HERC2: variants seen among roughly 807,000 people sequenced by gnomAD.
HERC2 encodes the protein E3 ubiquitin-protein ligase HERC2.
A neutral mutation model predicts 537.7 loss-of-function variants in HERC2; 102 were observed. The observed-to-expected ratio is 0.19, with a 90% CI of 0.16 to 0.22. The LOEUF (loss-of-function observed/expected upper bound fraction) is 0.22, where lower values mean the gene tolerates loss of function less well. Ranked by LOEUF, HERC2 falls within the 10% of genes least tolerant of loss-of-function variation. The probability of loss-of-function intolerance (pLI) is 1.00; values close to 1 mark genes in which losing one functional copy is unlikely to be tolerated. For synonymous variants in HERC2, 2,224 were observed against 2,466.2 expected, an observed-to-expected ratio of 0.90 and a Z score of 2.91; for missense variants, 4,236 against 6,198.2, an observed-to-expected ratio of 0.68 and a Z score of 10.63.
In HERC2 at chr15:28,114,645, C is replaced by T; in HGVS notation, c.13880G>A (p.Arg4627His). ...TATCGCCAGCCGCACGTACTCCGCGCGGTTGTCCAGGGTGATGTGTGTGTG... is the reference window on the plus strand; with the variant it reads ...TATCGCCAGCCGCACGTACTCCGCGTGGTTGTCCAGGGTGATGTGTGTGTG... ...SKHTHITLDN[R>H]AEYVRLAINY... The change falls in exon 90 of 93, where the codon CGC becomes CAC. Residue 4627 changes from arginine (R) to histidine (H), a missense_variant. Coordinates refer to ENST00000261609, the MANE Select transcript of HERC2 (RefSeq NM_004667.6). 9 of 1,614,018 alleles carry T rather than the reference C, an allele frequency of 5.6e-6. No individual in the cohort carries two copies. Among genetic ancestry groups the T allele is most frequent in the South Asian group, 2.2e-5 (2 of 91,066 alleles).
At chr15:28,173,648 CA>C (rs1302599316) in intron 65 of HERC2, among the ~76,000 whole-genome samples, 1 of 151,744 alleles carries the variant, frequency 6.6e-6, no homozygotes, top group African/African-American at 2.4e-5. Flanking sequence ...AACAAACAAA[CA>C]AAAATTAGCC....
In HERC2 at chr15:28,122,531, C is replaced by G. The variant is rs1318671211; in HGVS notation, c.13189-1102G>C. On this transcript the variant is annotated intron_variant, in intron 85 of 92. Coordinates refer to ENST00000261609, the MANE Select transcript of HERC2 (RefSeq NM_004667.6). The surrounding 1 kb of genome is among the most constrained non-coding windows in gnomAD (Gnocchi z 4.1). ...GCACCCCAGCCCCATGCCTCTCGCACAGCCCAGACTCATCCTGCTCCCAGA... is the reference window on the plus strand; with the variant it reads ...GCACCCCAGCCCCATGCCTCTCGCAGAGCCCAGACTCATCCTGCTCCCAGA... Among the ~76,000 whole-genome samples, 2 of 152,200 alleles carry G rather than the reference C, an allele frequency of 1.3e-5. No individual in the cohort carries two copies. The highest frequency in any genetic ancestry group is 1.5e-5 in the Non-Finnish European group (1 of 68,022).
At chr15:28,215,925 T>C (rs1899850857) in intron 38 of HERC2, 123 bp from the exon 39 acceptor site, 2 of 703,474 alleles carry the variant, frequency 2.8e-6, no homozygotes, top group Non-Finnish European at 4.6e-6. Context: ...ACAAATATAT[T>C]GCAGTTTGTA....
chr15:28,280,322 G>GCC, intron 4 of HERC2, 35 bp from the exon 5 acceptor site: 5 of 1,528,386 alleles, frequency 3.3e-6, no homozygotes, highest in Non-Finnish European at 4.5e-6. Context: ...CTCACCTGTG[G>GCC]ACAATGTGGC....
rs764871772 is a variant in HERC2 at position 28,178,915 on chromosome 15, G to T, written c.9135C>A (p.Tyr3045Ter). The change falls in exon 59 of 93, where the codon TAC becomes TAA. Residue 3045 changes from tyrosine to a stop codon, truncating the protein, a stop_gained. Transcript: ENST00000261609. LOFTEE classifies it high-confidence loss of function. ...AGTGAACAGCCACCTTCTTGACCAC[G>T]TAGCTGCTGAGAGCTGTGATCTGCC... The part of the protein sequence containing the change: ...IPRQITALSS[Y>*]VVKKVAVHSG... 1 of 1,613,992 alleles carries T rather than the reference G, an allele frequency of 6.2e-7. No individual in the cohort carries two copies. The highest frequency in any genetic ancestry group is 1.1e-5 in the South Asian group (1 of 91,076).
intron 2 of HERC2, among the ~76,000 whole-genome samples, chr15:28,306,593 T>C (rs1379608761): frequency 6.6e-6 from 1 of 152,240 alleles, no homozygotes; most frequent in East Asian, 1.9e-4. Flanking sequence ...TACAATAAGT[T>C]TGGATGTATT....
Position 28,114,632 on chromosome 15 carries a change from C to T in HERC2, c.13893G>A (p.Val4631=). ...HITLDNRAEY[V]RLAINYRLHE... is the part of the protein sequence containing the mutation. ...CCAACCTATAGTTTATCGCCAGCCG[C>T]ACGTACTCCGCGCGGTTGTCCAGGG... Residue 4631 remains valine, a synonymous_variant, in exon 90 of 93, where the codon GTG becomes GTA. Transcript: ENST00000261609. 1 of 1,613,890 alleles carries T rather than the reference C, an allele frequency of 6.2e-7. No homozygotes were observed. The highest frequency in any genetic ancestry group is 1.1e-5 in the South Asian group (1 of 91,068).
intron 20 of HERC2, among the ~76,000 whole-genome samples, chr15:28,253,677 A>C (rs1010658483): frequency 6.6e-6 from 1 of 152,252 alleles, no homozygotes; most frequent in Non-Finnish European, 1.5e-5. Flanking sequence ...AAAATACAAT[A>C]CAGGCCGGGA....
intron 56 of HERC2, among the ~76,000 whole-genome samples, chr15:28,184,719 G>A (rs945963961): frequency 3.3e-5 from 5 of 151,188 alleles, no homozygotes; most frequent in African/African-American, 1.2e-4. Context: ...AAAATTAGCC[G>A]GGCATGGCGG....
At chr15:28,182,258 T>A in intron 57 of HERC2, 143 bp downstream of exon 57, 2 of 542,068 alleles carry the variant, frequency 3.7e-6, no homozygotes, top group Non-Finnish European at 6.5e-6. Context: ...GAGAGACGCT[T>A]CTGAGGGGTA....
chr15:28,174,002 A>G (rs28561443), intron 65 of HERC2, among the ~76,000 whole-genome samples: 7,175 of 150,640 alleles, frequency 0.048, 129 homozygotes, highest in Middle Eastern at 0.085. Context: ...TGGATCATAC[A>G]TATTCCAAAG....
intron 56 of HERC2, among the ~76,000 whole-genome samples, chr15:28,184,727 C>T (rs529020183): frequency 2.0e-5 from 3 of 151,086 alleles, no homozygotes; most frequent in South Asian, 2.1e-4. Flanking sequence ...CCGGGCATGG[C>T]GGCGTGCACC....
intron 79 of HERC2, among the ~76,000 whole-genome samples, chr15:28,133,921 A>G (rs8039411): frequency 0.97 from 147,047 of 152,306 alleles, 71,104 homozygotes; most frequent in Non-Finnish European, 0.99. Flanking sequence ...GGTAGTGCAA[A>G]TCTTCCGACC....
intron 23 of HERC2, among the ~76,000 whole-genome samples, chr15:28,243,242 T>A (rs1481432297): frequency 6.6e-6 from 1 of 152,164 alleles, no homozygotes; most frequent in Non-Finnish European, 1.5e-5. Context: ...CCCTTTCTCA[T>A]AACATGCATG....
At chr15:28,229,640 C>T (rs1163045655) in intron 32 of HERC2, 34 bp downstream of exon 32, 3 of 1,605,054 alleles carry the variant, frequency 1.9e-6, no homozygotes, top group Non-Finnish European at 2.6e-6. Flanking sequence ...TGTATATTAC[C>T]CAATGCAGAG....
intron 30 of HERC2, among the ~76,000 whole-genome samples, chr15:28,232,761 C>A (rs559534551): frequency 1.2e-4 from 18 of 152,200 alleles, no homozygotes; most frequent in Non-Finnish European, 2.4e-4. Flanking sequence ...TCAGAATACT[C>A]AATATTTCCA....
intron 4 of HERC2, among the ~76,000 whole-genome samples, chr15:28,287,899 T>TATC (rs1448380116): frequency 6.6e-6 from 1 of 151,998 alleles, no homozygotes; most frequent in East Asian, 1.9e-4. Flanking sequence ...AATTTTTTTG[T>TATC]ATCTTTAGTA....
chr15:28,269,577 C>T, intron 10 of HERC2, 141 bp from the exon 11 acceptor site: 1 of 657,614 alleles, frequency 1.5e-6, no homozygotes, highest in Non-Finnish European at 2.6e-6. Context: ...ATAGCTCATA[C>T]CAGCCTGTAT....
chr15:28,310,139 C>CA (rs1257307378), intron 2 of HERC2, among the ~76,000 whole-genome samples: 1 of 152,238 alleles, frequency 6.6e-6, no homozygotes, highest in East Asian at 1.9e-4. Context: ...ACCGTCTCTA[C>CA]AAAAAAATTG....
Sources: allele counts gnomAD v4.1 joint callset (sites outside exome capture counted in the v4.1 genomes callset), GRCh38; gene constraint gnomAD v4.1.1; non-coding constraint Gnocchi (gnomAD v3.1); transcripts MANE v1.5; gene names NCBI Gene and HGNC (gene_info 2026-07-23, HGNC 2026-07-21).